GALNTL6: variants seen among roughly 807,000 people sequenced by gnomAD.
GALNTL6 encodes the protein polypeptide N-acetylgalactosaminyltransferase-like 6.
A neutral mutation model predicts 73.7 loss-of-function variants in GALNTL6; 46 were observed. The ratio of observed to expected loss-of-function variants is 0.62; its 90% CI spans 0.49 to 0.80. The LOEUF is 0.80. GALNTL6 is among the 30% of genes least tolerant of loss of function. The pLI, the probability that GALNTL6 is intolerant of heterozygous loss-of-function variation, is 0.00. For synonymous variants in GALNTL6, 259 were observed against 263.7 expected (o/e 0.98, Z 0.17); for missense variants, 604 against 755.0 (o/e 0.80, Z 2.34).
At chr4:172,163,881 A>G (rs1007089059) in intron 2 of GALNTL6, among the ~76,000 whole-genome samples, 2 of 152,074 alleles carry the variant, frequency 1.3e-5, no homozygotes, top group Non-Finnish European at 2.9e-5. Context: ...TAAAAAACAT[A>G]GGGTATAAAT....
rs532506104 is a variant in GALNTL6 at position 172,725,394 on chromosome 4, T to G, written c.554-83967T>G. On this transcript the variant is annotated intron_variant, in intron 5 of 12. Transcript: ENST00000506823. Reference sequence around the variant, plus strand: ...TAGGAATGCAGAATTTCTCAGAGCATGTCAGGAAAAATATTACTCCTAAAC... The same window carrying G: ...TAGGAATGCAGAATTTCTCAGAGCAGGTCAGGAAAAATATTACTCCTAAAC... Among the ~76,000 whole-genome samples the G allele has an allele frequency of 2.2e-4, 34 of 152,346 alleles. 1 individual carries two copies. In the South Asian group the frequency reaches 5.6e-3, roughly 25 times the overall value.
chr4:172,254,700 A>C (rs1738011895), intron 3 of GALNTL6, among the ~76,000 whole-genome samples: 1 of 151,784 alleles, frequency 6.6e-6, no homozygotes, highest in South Asian at 2.1e-4. Context: ...GCTTTTAAAC[A>C]GACATACATT....
At chr4:172,201,860 A>G (rs1181520059) in intron 2 of GALNTL6, among the ~76,000 whole-genome samples, 1 of 152,176 alleles carries the variant, frequency 6.6e-6, no homozygotes, top group Non-Finnish European at 1.5e-5. Flanking sequence ...ACTCTCCTGC[A>G]GAAACAGAGG....
chr4:171,947,966 TG>T (rs1485521651), intron 2 of GALNTL6, among the ~76,000 whole-genome samples: 1 of 152,194 alleles, frequency 6.6e-6, no homozygotes, highest in Non-Finnish European at 1.5e-5. Flanking sequence ...TTCATATAAA[TG>T]TTATTATATA....
intron 5 of GALNTL6, among the ~76,000 whole-genome samples, chr4:172,454,208 C>T (rs1732311938): frequency 6.6e-6 from 1 of 152,174 alleles, no homozygotes; most frequent in South Asian, 2.1e-4. Flanking sequence ...GAAAACTGCC[C>T]TCATGTGTTT....
intron 2 of GALNTL6, among the ~76,000 whole-genome samples, chr4:172,108,762 A>G (rs1231861652): frequency 1.3e-5 from 2 of 152,116 alleles, no homozygotes; most frequent in African/African-American, 4.8e-5. Flanking sequence ...GGCTCATCCC[A>G]GCACTTTGGG....
intron 2 of GALNTL6, among the ~76,000 whole-genome samples, chr4:171,855,232 C>G (rs1470337801): frequency 6.6e-6 from 1 of 152,138 alleles, no homozygotes; most frequent in African/African-American, 2.4e-5. Flanking sequence ...TCATACAGAA[C>G]ACTTTCACTG....
intron 7 of GALNTL6, among the ~76,000 whole-genome samples, chr4:172,823,231 C>T (rs1742041836): frequency 6.6e-6 from 1 of 152,200 alleles, no homozygotes; most frequent in South Asian, 2.1e-4. Flanking sequence ...GGCCCGAGGC[C>T]TATATATTAG....
At chr4:172,958,856 T>C (rs1337380355) in intron 10 of GALNTL6, among the ~76,000 whole-genome samples, 1 of 152,052 alleles carries the variant, frequency 6.6e-6, no homozygotes, top group African/African-American at 2.4e-5. Flanking sequence ...ATGTTTGAGA[T>C]CCAGAATAGA....
At chr4:172,735,421 G>T (rs111684080) in intron 5 of GALNTL6, among the ~76,000 whole-genome samples, 1 of 152,158 alleles carries the variant, frequency 6.6e-6, no homozygotes, top group Non-Finnish European at 1.5e-5. Context: ...TGGAACAGGT[G>T]TGTTTACCCA....
At chr4:172,171,875 T>C (rs1001377329) in intron 2 of GALNTL6, among the ~76,000 whole-genome samples, 12 of 152,118 alleles carry the variant, frequency 7.9e-5, no homozygotes, top group Admixed American at 6.6e-4. Context: ...CAGGGCAGTA[T>C]TGGAAGTTCC....
chr4:172,958,851 T>G (rs1315108309), intron 10 of GALNTL6, among the ~76,000 whole-genome samples: 1 of 152,088 alleles, frequency 6.6e-6, no homozygotes, highest in Non-Finnish European at 1.5e-5. Context: ...AAAGCATGTT[T>G]GAGATCCAGA....
chr4:171,955,993 CT>C (rs1739034472), intron 2 of GALNTL6, among the ~76,000 whole-genome samples: 1 of 126,478 alleles, frequency 7.9e-6, no homozygotes, highest in Non-Finnish European at 1.7e-5. Context: ...TTGTTACTTA[CT>C]AATTTGTGTG....
intron 5 of GALNTL6, among the ~76,000 whole-genome samples, chr4:172,374,831 A>G (rs1051535711): frequency 3.3e-5 from 5 of 152,200 alleles, no homozygotes; most frequent in Non-Finnish European, 7.3e-5. Flanking sequence ...TAACAGTAGC[A>G]TGACATCTCT....
At position 171,814,414 on chromosome 4, in the gene GALNTL6, G is replaced by T. The variant is rs1207027008; in HGVS notation, c.-167G>T. ...GTAACTGTGCGTTTGTTCTGCAGATGGCCAACTCCCTCTGAATCCTGCAGA... is the reference window on the plus strand; with the variant it reads ...GTAACTGTGCGTTTGTTCTGCAGATTGCCAACTCCCTCTGAATCCTGCAGA... On this transcript the variant is annotated splice_region_variant and 5_prime_UTR_variant, in exon 2 of 13. An upstream start codon of the reference 5' UTR is lost. Transcript: ENST00000506823. The T allele has an allele frequency of 6.2e-6, 4 of 648,462 alleles. No individual in the cohort carries two copies. The highest frequency in any genetic ancestry group is 1.1e-5 in the Non-Finnish European group (4 of 377,198). 40.2% of individuals were successfully genotyped at this position (648,462 alleles called of 1,614,324 possible). A position where few individuals can be genotyped will look rare whatever the true frequency, so the allele number is the denominator to read the frequency against.
At chr4:172,000,044 A>G (rs1740624372) in intron 2 of GALNTL6, among the ~76,000 whole-genome samples, 1 of 152,180 alleles carries the variant, frequency 6.6e-6, no homozygotes, top group African/African-American at 2.4e-5. Flanking sequence ...CTGTGGTAGC[A>G]TCAGCATATA....
intron 2 of GALNTL6, among the ~76,000 whole-genome samples, chr4:172,040,873 G>A (rs1742070273): frequency 6.6e-6 from 1 of 151,970 alleles, no homozygotes. Flanking sequence ...TTGATGACTT[G>A]CAACTGCACA....
In GALNTL6 at chr4:172,325,366, G is replaced by A. The variant is rs113673467; in HGVS notation, c.386+13614G>A. On this transcript the variant is annotated intron_variant, in intron 4 of 12. Transcript: ENST00000506823. ...CTACCAGGCAGGTTCTGATTTCTGGGTAAGATGAAAGAAACACATGCTTCT... is the reference window on the plus strand; with the variant it reads ...CTACCAGGCAGGTTCTGATTTCTGGATAAGATGAAAGAAACACATGCTTCT... Among the ~76,000 whole-genome samples, 614 of 152,000 alleles carry A rather than the reference G, an allele frequency of 4.0e-3. 2 individuals carry two copies. The highest frequency in any genetic ancestry group is 0.011 in the African/African-American group (447 of 41,516).
chr4:172,774,559 A>C (rs1389162166), intron 5 of GALNTL6, among the ~76,000 whole-genome samples: 1 of 152,202 alleles, frequency 6.6e-6, no homozygotes, highest in African/African-American at 2.4e-5. Context: ...CTCATTACCT[A>C]AGTATTGTTT....
Sources: gnomAD v4.1 joint callset for allele counts (sites outside exome capture counted in the v4.1 genomes callset) on GRCh38, gnomAD v4.1.1 for gene constraint, MANE v1.5 for transcripts, NCBI Gene and HGNC (gene_info 2026-07-23, HGNC 2026-07-21) for gene names.